KIAA2012: variants seen among roughly 807,000 people sequenced by gnomAD.
The protein encoded by KIAA2012 is KIAA2012, also known as uncharacterized protein KIAA2012.
Under a neutral mutation model 150.6 loss-of-function variants are expected in KIAA2012, and 125 were observed. That is an observed-to-expected ratio of 0.83 (90% CI 0.72 to 0.96). The LOEUF (loss-of-function observed/expected upper bound fraction) is 0.96. Among genes scored for constraint, KIAA2012 ranks in the 40% least tolerant of loss-of-function variants. The pLI is 0.00. For missense variants in KIAA2012, 1,219 were observed against 1,354.9 expected (o/e 0.90, Z 1.57); for synonymous variants, 462 against 504.7 (o/e 0.92, Z 1.13).
intron 22 of KIAA2012, chr2:202,201,404 T>A (rs1692523387): frequency 1.3e-6 from 2 of 1,589,472 alleles, no homozygotes; most frequent in South Asian, 1.1e-5. Context: ...AGCCACCATC[T>A]GATTCACCCA....
rs1357090126 is a variant in KIAA2012, at chr2:202,113,370, G to A, written c.1686G>A (p.Leu562=). 1.3e-6 allele frequency: 2 copies of A among 1,550,702 alleles called. No homozygotes were observed. The highest frequency in any genetic ancestry group is 2.4e-5 in the East Asian group (1 of 40,910). Residue 562 remains leucine, a synonymous_variant, in exon 11 of 24, where the codon TTG becomes TTA. Transcript: ENST00000498697. The part of the protein sequence containing the change: ...DSSDPTLGHF[L]LGPDGEKVCL... ...GCGACCCTACACTGGGACACTTCTTGCTGGGTCCAGATGGAGAAAAAGTCT... is the reference window on the plus strand; with the variant it reads ...GCGACCCTACACTGGGACACTTCTTACTGGGTCCAGATGGAGAAAAAGTCT...
Position 202,194,260 on chromosome 2 carries a change from T to C in KIAA2012, c.3085T>C (p.Leu1029=), listed in dbSNP as rs1178432925. 2 of 1,550,348 alleles carry C rather than the reference T, an allele frequency of 1.3e-6. No individual in the cohort carries two copies. Among genetic ancestry groups the C allele is most frequent in the Non-Finnish European group, 1.7e-6 (2 of 1,146,990 alleles). ...GGAGGAGAGAAAGCAGCAGCTCCGG[T>C]TGAAAGCAGCCCAGGAGAGAGCCCG... ...EEEERKQQLR[L]KAAQERARQQ... Residue 1029 remains leucine (L), a synonymous_variant, in exon 21 of 24, where the codon TTG becomes CTG. Transcript: ENST00000498697.
intron 2 of KIAA2012, among the ~76,000 whole-genome samples, chr2:202,078,473 G>C (rs1351024423): frequency 6.6e-6 from 1 of 152,082 alleles, no homozygotes; most frequent in Non-Finnish European, 1.5e-5. Flanking sequence ...TATTTTTGTA[G>C]AGATGGGGTC....
intron 12 of KIAA2012, among the ~76,000 whole-genome samples, chr2:202,132,796 A>G (rs1690980021): frequency 1.3e-5 from 1 of 78,448 alleles, no homozygotes; most frequent in Non-Finnish European, 2.5e-5. Flanking sequence ...GCGTATATAT[A>G]TATATATTTT....
intron 15 of KIAA2012, among the ~76,000 whole-genome samples, chr2:202,177,288 A>C (rs1009351801): frequency 1.3e-5 from 2 of 152,246 alleles, no homozygotes; most frequent in African/African-American, 4.8e-5. Flanking sequence ...TGTAATACAG[A>C]TATAAAAATA....
At chr2:202,120,973 A>T (rs1223920391) in intron 11 of KIAA2012, among the ~76,000 whole-genome samples, 1 of 152,172 alleles carries the variant, frequency 6.6e-6, no homozygotes, top group Non-Finnish European at 1.5e-5. Flanking sequence ...TGCTTCCCAG[A>T]CTCACTTGCA....
intron 2 of KIAA2012, among the ~76,000 whole-genome samples, chr2:202,085,945 G>A (rs905003653): frequency 9.2e-5 from 14 of 151,886 alleles, no homozygotes; most frequent in Admixed American, 8.5e-4. Context: ...CGAGGCAGGC[G>A]GATCACGAGG....
chr2:202,185,318 C>T (rs1490691183), intron 16 of KIAA2012, among the ~76,000 whole-genome samples: 1 of 152,184 alleles, frequency 6.6e-6, no homozygotes, highest in Non-Finnish European at 1.5e-5. Context: ...GCCAGTCAGG[C>T]GTAGTGTTTT....
chr2:202,151,390 C>G (rs1691424232), intron 13 of KIAA2012, among the ~76,000 whole-genome samples: 1 of 152,004 alleles, frequency 6.6e-6, no homozygotes, highest in African/African-American at 2.4e-5. Context: ...GAGCAAGACT[C>G]TGTCTCAAAA....
Position 202,104,710 on chromosome 2 carries a change from G to C in KIAA2012, c.1325-1051G>C, listed in dbSNP as rs1456116601. 6.6e-6 allele frequency among the ~76,000 whole-genome samples: 1 copy of C among 152,178 alleles called. No individual in the cohort carries two copies. Among genetic ancestry groups the C allele is most frequent in the Non-Finnish European group, 1.5e-5 (1 of 68,028 alleles). ...GATAAAGGAGGTTGTTGAGGGTCAG[G>C]AACTCTGGGTTGGTTGGGGTGCATA... On this transcript the variant is annotated intron_variant, in intron 8 of 23. Coordinates refer to ENST00000498697, the MANE Select transcript of KIAA2012 (RefSeq NM_001277372.4). This position sits in a 1 kb window ranked among gnomAD's most constrained non-coding sequence, Gnocchi z 4.3.
At chr2:202,102,832 C>A in intron 7 of KIAA2012, 114 bp from the exon 8 acceptor site, 1 of 1,034,582 alleles carries the variant, frequency 9.7e-7, no homozygotes, top group Non-Finnish European at 1.4e-6. Flanking sequence ...ATTAGCTTAC[C>A]TCTCTCAGCA....
At chr2:202,094,457 A>G (rs1483995113) in intron 4 of KIAA2012, among the ~76,000 whole-genome samples, 4 of 151,508 alleles carry the variant, frequency 2.6e-5, no homozygotes, top group Non-Finnish European at 4.4e-5. Flanking sequence ...CCAACCACAC[A>G]TCTCACTTGA....
chr2:202,165,272 T>C lies in KIAA2012; in HGVS notation c.2047-12T>C. 2.9e-5 allele frequency: 45 copies of C among 1,549,610 alleles called. No homozygotes were observed. Among genetic ancestry groups the C allele is most frequent in the Non-Finnish European group, 3.9e-5 (45 of 1,146,230 alleles). On this transcript the variant is annotated splice_polypyrimidine_tract_variant and intron_variant, in intron 14 of 23. Coordinates refer to ENST00000498697, the MANE Select transcript of KIAA2012 (RefSeq NM_001277372.4). ...TGTCTAATGTATTCTTTGTTGTGTG[T>C]TAACCCAATAGGAAAGTGGAAATGC...
intron 15 of KIAA2012, chr2:202,179,900 T>G: frequency 2.5e-5 from 18 of 723,722 alleles, no homozygotes; most frequent in Non-Finnish European, 3.8e-5. Context: ...GAAGGCCAAA[T>G]GAGAGGATAA....
chr2:202,085,895 C>A (rs138242534), intron 2 of KIAA2012, among the ~76,000 whole-genome samples: 1 of 152,070 alleles, frequency 6.6e-6, no homozygotes, highest in African/African-American at 2.4e-5. Flanking sequence ...AATGGCCAGG[C>A]GCAGTGGCTC....
At chr2:202,202,642 T>A in intron 23 of KIAA2012, 55 bp downstream of exon 23, 2 of 397,574 alleles carry the variant, frequency 5.0e-6, no homozygotes, top group Non-Finnish European at 8.9e-6. Flanking sequence ...AATAAAGTTC[T>A]AGGGGCCAGG....
intron 15 of KIAA2012, among the ~76,000 whole-genome samples, chr2:202,180,983 T>G (rs1692107136): frequency 6.6e-6 from 1 of 152,162 alleles, no homozygotes; most frequent in African/African-American, 2.4e-5. Context: ...TTAAAAATTT[T>G]TTTTGAGACA....
intron 15 of KIAA2012, among the ~76,000 whole-genome samples, chr2:202,175,457 A>G (rs750392956): frequency 2.0e-5 from 3 of 152,236 alleles, no homozygotes; most frequent in Non-Finnish European, 4.4e-5. Flanking sequence ...CTCATCACCA[A>G]TGTAAAGGTA....
rs977237827 is a variant in KIAA2012, at chr2:202,104,034, C to T, written c.1324+920C>T. 2.0e-5 allele frequency among the ~76,000 whole-genome samples: 3 copies of T among 152,166 alleles called. No homozygotes were observed. Among genetic ancestry groups the T allele is most frequent in the African/African-American group, 7.2e-5 (3 of 41,428 alleles). ...CTTGGAGAGTTTGACTCCTGGGAAT[C>T]ACACAGGCAGCCATTTTGTTCTAAG... On this transcript the variant is annotated intron_variant, in intron 8 of 23. Coordinates refer to ENST00000498697, the MANE Select transcript of KIAA2012 (RefSeq NM_001277372.4). The surrounding 1 kb of genome is among the most constrained non-coding windows in gnomAD (Gnocchi z 4.3).
Sources: gnomAD v4.1 joint callset for allele counts (sites outside exome capture counted in the v4.1 genomes callset) on GRCh38, gnomAD v4.1.1 for gene constraint, Gnocchi (gnomAD v3.1) non-coding constraint, MANE v1.5 for transcripts, NCBI Gene and HGNC (gene_info 2026-07-23, HGNC 2026-07-21) for gene names.